PCDH15: variants seen among roughly 807,000 people sequenced by gnomAD.
The protein encoded by PCDH15 is protocadherin-15.
Under a neutral mutation model 178.5 loss-of-function variants are expected in PCDH15, and 129 were observed. The ratio of observed to expected loss-of-function variants is 0.72; its 90% CI spans 0.63 to 0.84. PCDH15 has a LOEUF of 0.84. PCDH15 is among the 40% of genes least tolerant of loss of function. The probability of loss-of-function intolerance (pLI) is 0.00; values close to 1 mark genes in which losing one functional copy is unlikely to be tolerated. For synonymous variants in PCDH15, 800 were observed against 732.0 expected (o/e 1.09, Z -1.50); for missense variants, 2,230 against 2,099.9 (o/e 1.06, Z -1.21).
At chr10:55,500,343 T>C (rs188572970) in intron 2 of PCDH15, among the ~76,000 whole-genome samples, 67 of 148,674 alleles carry the variant, frequency 4.5e-4, no homozygotes, top group Admixed American at 3.5e-3. Context: ...AAACAGTATA[T>C]TATCTTATTT....
At chr10:53,866,921 GCTTA>G in intron 26 of PCDH15, 64 bp from the exon 27 acceptor site, 1 of 1,156,470 alleles carries the variant, frequency 8.6e-7, no homozygotes, top group Middle Eastern at 1.9e-4. Context: ...TTATGAAATG[GCTTA>G]CTTTTGTTTG....
chr10:54,298,628 G>T (rs1489747479), intron 8 of PCDH15, among the ~76,000 whole-genome samples: 1 of 152,188 alleles, frequency 6.6e-6, no homozygotes, highest in Non-Finnish European at 1.5e-5. Flanking sequence ...GGTTCTCTGG[G>T]CCAGAAGCCC....
intron 2 of PCDH15, among the ~76,000 whole-genome samples, chr10:55,581,791 G>A (rs570815874): frequency 3.9e-5 from 6 of 152,084 alleles, no homozygotes; most frequent in Non-Finnish European, 7.4e-5. Flanking sequence ...ATCCACTAAA[G>A]TCTAACACAC....
At position 53,995,678 on chromosome 10, in the gene PCDH15, TTG is replaced by T; in HGVS notation, c.2837_2838del (p.Thr946AsnfsTer5). ...GGGTCTGCATCTTCAGCATAAACTG[TTG>T]TGATAGGTGTACCCTTGACTGCATC... ...APDAVKGTPI[T>X]TVYAEDADPP... On this transcript the variant is annotated frameshift_variant, in exon 21 of 38. Coordinates refer to ENST00000644397, the MANE Select transcript of PCDH15 (RefSeq NM_001384140.1). LOFTEE classifies it high-confidence loss of function. 6.2e-7 allele frequency: 1 copy of T among 1,613,994 alleles called. No individual in the cohort carries two copies. Among genetic ancestry groups the T allele is most frequent in the East Asian group, 2.2e-5 (1 of 44,872 alleles).
intron 2 of PCDH15, among the ~76,000 whole-genome samples, chr10:55,058,884 T>C (rs559599253): frequency 2.0e-5 from 3 of 152,298 alleles, no homozygotes; most frequent in African/African-American, 7.2e-5. Context: ...GATACAAGAT[T>C]AAATTTTGAT....
intron 2 of PCDH15, among the ~76,000 whole-genome samples, chr10:54,611,323 A>T (rs1565739804): frequency 6.6e-6 from 1 of 151,858 alleles, no homozygotes; most frequent in Non-Finnish European, 1.5e-5. Flanking sequence ...AGTGAATTGG[A>T]TTAGAATAAT....
chr10:55,546,047 G>A (rs1195467823), intron 2 of PCDH15, among the ~76,000 whole-genome samples: 1 of 152,040 alleles, frequency 6.6e-6, no homozygotes, highest in Non-Finnish European at 1.5e-5. Context: ...AGATGGCACT[G>A]AATAATTATT....
chr10:54,461,886 C>G (rs11004321), intron 3 of PCDH15, among the ~76,000 whole-genome samples: 15,220 of 151,564 alleles, frequency 0.1, 969 homozygotes, highest in East Asian at 0.29. Context: ...TAATTCTTAC[C>G]AAGTTATTAG....
Position 54,402,055 on chromosome 10 carries a change from A to G in PCDH15, c.158-23113T>C, listed in dbSNP as rs1292218610. On this transcript the variant is annotated intron_variant, in intron 3 of 37. Transcript: ENST00000644397. ...TCTATAAAATAATGCATTATGACCA[A>G]GTTGGTTTTACCAAGAATGCATGGT... Among the ~76,000 whole-genome samples, 7 of 151,900 alleles carry G rather than the reference A, an allele frequency of 4.6e-5. No individual in the cohort carries two copies. The East Asian group carries it at 1.4e-3, about 29-fold the overall frequency.
intron 2 of PCDH15, among the ~76,000 whole-genome samples, chr10:54,638,141 T>C (rs1018184824): frequency 6.6e-6 from 1 of 152,076 alleles, no homozygotes; most frequent in Non-Finnish European, 1.5e-5. Context: ...AAAGATCTGC[T>C]TGAACCCTGA....
chr10:55,405,305 C>A (rs1334523), intron 2 of PCDH15, among the ~76,000 whole-genome samples: 3,047 of 123,724 alleles, frequency 0.025, 223 homozygotes, highest in African/African-American at 0.085. Flanking sequence ...TATATATATA[C>A]AATTTAATGT....
Position 55,547,910 on chromosome 10 carries a change from T to TGTGAGA in PCDH15, c.-156+79714_-156+79715insTCTCAC, listed in dbSNP as rs541144266. Among the ~76,000 whole-genome samples the TGTGAGA allele has an allele frequency of 5.5e-3, 301 of 54,502 alleles. 3 individuals are homozygous for TGTGAGA. Among genetic ancestry groups the TGTGAGA allele is most frequent in the South Asian group, 0.015 (15 of 1,030 alleles). The allele number at this position is 54,502 out of a possible 152,430, so 35.8% of individuals were successfully genotyped here. ...TGGTGTGTGTGTCTGTGTGTGTGTG[T>TGTGAGA]GAGAGAGAGAGAGAGAGAGAGAGAG... On this transcript the variant is annotated intron_variant, in intron 2 of 5. Coordinates refer to the PCDH15 transcript ENST00000613346.
chr10:54,398,232 A>T (rs1176184953), intron 3 of PCDH15, among the ~76,000 whole-genome samples: 3 of 138,722 alleles, frequency 2.2e-5, no homozygotes, highest in East Asian at 1.9e-4. Context: ...TTGCTTGTTT[A>T]AAAAAAAATT....
At chr10:55,031,586 G>T (rs1840611412) in intron 2 of PCDH15, among the ~76,000 whole-genome samples, 1 of 152,182 alleles carries the variant, frequency 6.6e-6, no homozygotes, top group Non-Finnish European at 1.5e-5. Flanking sequence ...AGGGGCTGTG[G>T]TTTGAATATG....
At chr10:54,941,237 T>C (rs996471875) in intron 2 of PCDH15, among the ~76,000 whole-genome samples, 1 of 152,082 alleles carries the variant, frequency 6.6e-6, no homozygotes, top group African/African-American at 2.4e-5. Context: ...TTCACCTCCA[T>C]AGTCAATTTA....
intron 1 of PCDH15, among the ~76,000 whole-genome samples, chr10:54,752,804 C>CG (rs1451600203): frequency 2.0e-5 from 3 of 151,854 alleles, no homozygotes; most frequent in African/African-American, 7.3e-5. Flanking sequence ...CACCTTTCCC[C>CG]CCTTGTTATC....
rs549392064 is a variant in PCDH15 at position 55,274,722 on chromosome 10, G to A, written c.-156+44877C>T. Among the ~76,000 whole-genome samples, 162 of 152,192 alleles carry A rather than the reference G, an allele frequency of 1.1e-3. 1 individual carries two copies. Among genetic ancestry groups the A allele is most frequent in the African/African-American group, 3.4e-3 (141 of 41,496 alleles). ...TCATGGAAGACAAATTTTCCATGGC[G>A]GAGGCAGGGGTGGGGACTGTAGGGA... On this transcript the variant is annotated intron_variant, in intron 1 of 5. Coordinates refer to the PCDH15 transcript ENST00000458638.
chr10:54,430,049 CTTTTTTTTTTTT>C (rs34182878), intron 3 of PCDH15, among the ~76,000 whole-genome samples: 3 of 119,544 alleles, frequency 2.5e-5, no homozygotes, highest in Non-Finnish European at 5.0e-5. Flanking sequence ...CCTTCTTCTC[CTTTTTTTTTTTT>C]TTTTTTTTTT....
chr10:55,068,587 T>G (rs189946589), intron 2 of PCDH15, among the ~76,000 whole-genome samples: 11 of 152,162 alleles, frequency 7.2e-5, no homozygotes, highest in Non-Finnish European at 1.0e-4. Flanking sequence ...GATATTTTTT[T>G]GTTTCAAATG....
Sources: gnomAD v4.1 joint callset for allele counts (sites outside exome capture counted in the v4.1 genomes callset) on GRCh38, gnomAD v4.1.1 for gene constraint, MANE v1.5 for transcripts, NCBI Gene and HGNC (gene_info 2026-07-23, HGNC 2026-07-21) for gene names.